The following IGF1R variants were observed in gnomAD, a reference collection of about 807,000 sequenced individuals.
IGF1R encodes the protein insulin-like growth factor 1 receptor.
IGF1R carries 44 observed loss-of-function variants against 144.6 expected under a neutral mutation model. The ratio of observed to expected loss-of-function variants is 0.30; its 90% CI spans 0.24 to 0.39. IGF1R has a LOEUF of 0.39. Ranked by LOEUF, IGF1R falls within the 10% of genes least tolerant of loss-of-function variation. The pLI, the probability that IGF1R is intolerant of heterozygous loss-of-function variation, is 1.00. For synonymous variants in IGF1R, 795 were observed against 722.8 expected (o/e 1.10, Z -1.60); for missense variants, 1,355 against 1,833.7 (o/e 0.74, Z 4.77).
At chr15:98,842,365 A>G (rs933617426) in intron 2 of IGF1R, among the ~76,000 whole-genome samples, 7 of 152,226 alleles carry the variant, frequency 4.6e-5, no homozygotes, top group African/African-American at 1.7e-4. Flanking sequence ...CAGTGCTCAC[A>G]ACAGGATCAT....
At chr15:98,858,177 A>G (rs915167232) in intron 2 of IGF1R, among the ~76,000 whole-genome samples, 1 of 152,260 alleles carries the variant, frequency 6.6e-6, no homozygotes, top group African/African-American at 2.4e-5. Flanking sequence ...TGGCTATGAA[A>G]ATAAACTAGA....
chr15:98,746,867 A>C (rs1346030991), intron 2 of IGF1R, among the ~76,000 whole-genome samples: 1 of 152,234 alleles, frequency 6.6e-6, no homozygotes, highest in Non-Finnish European at 1.5e-5. Flanking sequence ...TTGGCACTTG[A>C]ATGGTGTCAG....
At chr15:98,850,931 C>G (rs557455380) in intron 2 of IGF1R, among the ~76,000 whole-genome samples, 1 of 152,114 alleles carries the variant, frequency 6.6e-6, no homozygotes, top group Non-Finnish European at 1.5e-5. Context: ...GAATATAACA[C>G]CTTGCCCTGG....
chr15:98,912,073 G>A (rs980240920), intron 7 of IGF1R, among the ~76,000 whole-genome samples: 8 of 152,080 alleles, frequency 5.3e-5, no homozygotes, highest in Admixed American at 2.0e-4. Context: ...TATTCCTCCC[G>A]ACTGCAGCCC....
intron 1 of IGF1R, among the ~76,000 whole-genome samples, chr15:98,706,449 TG>T (rs1365451825): frequency 6.6e-6 from 1 of 152,240 alleles, no homozygotes; most frequent in Non-Finnish European, 1.5e-5. Flanking sequence ...AATCTGCAAA[TG>T]CGTTGGCCCA....
At chr15:98,775,305 C>G (rs1408310753) in intron 2 of IGF1R, among the ~76,000 whole-genome samples, 1 of 152,194 alleles carries the variant, frequency 6.6e-6, no homozygotes, top group Non-Finnish European at 1.5e-5. Context: ...GTAGGCAGAT[C>G]TAAACTTGTT....
At chr15:98,876,764 A>C (rs147768942) in intron 2 of IGF1R, among the ~76,000 whole-genome samples, 1 of 152,236 alleles carries the variant, frequency 6.6e-6, no homozygotes, top group East Asian at 1.9e-4. Context: ...CAGTTCCCCC[A>C]AAAAACTGGT....
intron 1 of IGF1R, among the ~76,000 whole-genome samples, chr15:98,665,601 A>T (rs1204974024): frequency 6.6e-6 from 1 of 152,184 alleles, no homozygotes; most frequent in Non-Finnish European, 1.5e-5. Context: ...AGGGCACAGG[A>T]TCTGAAAAAC....
chr15:98,651,961 A>G (rs1721690931), intron 1 of IGF1R, among the ~76,000 whole-genome samples: 2 of 152,228 alleles, frequency 1.3e-5, no homozygotes, highest in Admixed American at 1.3e-4. Flanking sequence ...CTTAACTCTG[A>G]TAGAAATAAG....
Position 98,957,290 on chromosome 15 carries a change from G to C in IGF1R, c.3952G>C (p.Asp1318His), listed in dbSNP as rs138696883. 4 of 1,613,778 alleles carry C rather than the reference G, an allele frequency of 2.5e-6. No homozygotes were observed. Among genetic ancestry groups the C allele is most frequent in the Non-Finnish European group, 3.4e-6 (4 of 1,179,820 alleles). The change falls in exon 21 of 21, where the codon GAC (aspartate) becomes CAC (histidine). Residue 1318 changes from aspartate (D) to histidine (H), a missense_variant. Transcript: ENST00000650285. ...CTCCTCGTCCTCCCTGCCACTGCCC[G>C]ACAGACACTCAGGACACAAGGCCGA... ...SASSSSLPLPDRHSGHKAENG... is the reference protein window; with the variant it reads ...SASSSSLPLPHRHSGHKAENG...
rs576033315 is a variant in IGF1R at position 98,781,628 on chromosome 15, T to C, written c.640+73521T>C. ...GAATAGAAATAATGAGTTAATAACA[T>C]TTAGCCTTTTTTGGTAAATAGTATA... On this transcript the variant is annotated intron_variant, in intron 2 of 20. Coordinates refer to ENST00000650285, the MANE Select transcript of IGF1R (RefSeq NM_000875.5). Among the ~76,000 whole-genome samples the C allele has an allele frequency of 7.2e-5, 11 of 152,340 alleles. No individual in the cohort carries two copies. The South Asian group carries it at 2.3e-3, about 32-fold the overall frequency.
rs2053803403 is a variant in IGF1R at position 98,704,104 on chromosome 15, CTT to C, written c.95-3455_95-3454del. Among the ~76,000 whole-genome samples the C allele has an allele frequency of 6.6e-6, 1 of 152,162 alleles. No homozygotes were observed. Among genetic ancestry groups the C allele is most frequent in the South Asian group, 2.1e-4 (1 of 4,824 alleles). On this transcript the variant is annotated intron_variant, in intron 1 of 20. Transcript: ENST00000650285. The surrounding 1 kb of genome is among the most constrained non-coding windows in gnomAD (Gnocchi z 4.9). ...CCGGCCCCCTTCAGCTGTGATGTGT[CTT>C]TTCCACACATGCCCAGATTCCCTCA...
intron 19 of IGF1R, among the ~76,000 whole-genome samples, chr15:98,947,874 G>C (rs2016614559): frequency 6.6e-6 from 1 of 152,252 alleles, no homozygotes; most frequent in African/African-American, 2.4e-5. Context: ...GTTGTGGGTG[G>C]GGGAGCAGCA....
intron 2 of IGF1R, among the ~76,000 whole-genome samples, chr15:98,727,499 G>A (rs1018082349): frequency 6.6e-6 from 1 of 152,202 alleles, no homozygotes; most frequent in Non-Finnish European, 1.5e-5. Context: ...GGAGATAAAG[G>A]TGCACCCTGA....
At chr15:98,729,499 A>G (rs193263961) in intron 2 of IGF1R, among the ~76,000 whole-genome samples, 13 of 151,518 alleles carry the variant, frequency 8.6e-5, no homozygotes, top group Admixed American at 3.9e-4. Flanking sequence ...TATCTGGACA[A>G]TAGGGTTCTG....
At chr15:98,852,994 C>T (rs1487823717) in intron 2 of IGF1R, among the ~76,000 whole-genome samples, 1 of 152,198 alleles carries the variant, frequency 6.6e-6, no homozygotes, top group Non-Finnish European at 1.5e-5. Flanking sequence ...ACAAATGCCG[C>T]CCTTCCTCTT....
intron 1 of IGF1R, among the ~76,000 whole-genome samples, chr15:98,696,798 C>T (rs2053606129): frequency 6.6e-6 from 1 of 152,152 alleles, no homozygotes; most frequent in African/African-American, 2.4e-5. Flanking sequence ...TGGTTTTAGA[C>T]ATCCTCTCCT....
chr15:98,735,527 T>G, intron 2 of IGF1R, among the ~76,000 whole-genome samples: 1 of 152,230 alleles, frequency 6.6e-6, no homozygotes. Context: ...GCCACTGCCC[T>G]CCACCAGTGT....
At chr15:98,945,358 G>A (rs2016512355) in intron 19 of IGF1R, among the ~76,000 whole-genome samples, 1 of 152,182 alleles carries the variant, frequency 6.6e-6, no homozygotes. Flanking sequence ...TCCCCTCCTG[G>A]TGTGGGGAAG....
Sources: allele counts gnomAD v4.1 joint callset (sites outside exome capture counted in the v4.1 genomes callset), GRCh38; gene constraint gnomAD v4.1.1; non-coding constraint Gnocchi (gnomAD v3.1); transcripts MANE v1.5; gene names NCBI Gene and HGNC (gene_info 2026-07-23, HGNC 2026-07-21).